Variants in COL27A1 observed in about 807,000 individuals in gnomAD.
COL27A1 encodes the protein collagen type XXVII alpha 1 chain, also known as collagen alpha-1(XXVII) chain.
COL27A1 carries 106 observed loss-of-function variants against 251.3 expected under a neutral mutation model. The ratio of observed to expected loss-of-function variants is 0.42; its 90% CI spans 0.36 to 0.50. The LOEUF (loss-of-function observed/expected upper bound fraction) is 0.50. Among genes scored for constraint, COL27A1 ranks in the 20% least tolerant of loss-of-function variants. COL27A1 has a pLI of 0.00. For synonymous variants in COL27A1, 1,000 were observed against 986.3 expected, an observed-to-expected ratio of 1.01 and a Z score of -0.26; for missense variants, 2,325 against 2,522.8, an observed-to-expected ratio of 0.92 and a Z score of 1.68.
chr9:114,246,017 G>A (rs1833105901), intron 24 of COL27A1, 107 bp downstream of exon 24: 6 of 967,206 alleles, frequency 6.2e-6, no homozygotes, highest in Non-Finnish European at 3.2e-6. Context: ...GTAATTCTCA[G>A]AACAACTCCA....
At chr9:114,229,758 A>G (rs1473883990) in intron 14 of COL27A1, among the ~76,000 whole-genome samples, 2 of 152,108 alleles carry the variant, frequency 1.3e-5, no homozygotes, top group Non-Finnish European at 2.9e-5. Flanking sequence ...TGGCTGAGGG[A>G]GTGATGGAGT....
intron 7 of COL27A1, among the ~76,000 whole-genome samples, chr9:114,199,045 T>A (rs867896483): frequency 2.0e-5 from 3 of 152,176 alleles, no homozygotes; most frequent in African/African-American, 7.2e-5. Flanking sequence ...GCCAATCTGG[T>A]AGCACTAGTC....
In COL27A1 at chr9:114,303,227, CT is replaced by C. The variant is rs1000474092; in HGVS notation, c.4872+1128del. On this transcript the variant is annotated intron_variant, in intron 56 of 60. Transcript: ENST00000356083. Reference sequence around the variant, plus strand: ...ACACCATTACAGGTGCTTTGCTTTTCTTTTTTTTTCTTTTCTTTTTTTTTTT... The same window carrying C: ...ACACCATTACAGGTGCTTTGCTTTTCTTTTTTTTCTTTTCTTTTTTTTTTT... 4.2e-5 allele frequency among the ~76,000 whole-genome samples: 6 copies of C among 141,778 alleles called. No individual in the cohort carries two copies. In the East Asian group the frequency reaches 1.0e-3, roughly 24 times the overall value. 93.0% of individuals were successfully genotyped at this position (141,778 alleles called of 152,430 possible).
chr9:114,283,968 G>C (rs1480057419), intron 40 of COL27A1, among the ~76,000 whole-genome samples: 1 of 152,202 alleles, frequency 6.6e-6, no homozygotes, highest in Non-Finnish European at 1.5e-5. Context: ...GTGTGGTTGG[G>C]GCTGCCAGAG....
At chr9:114,196,120 GCTCCC>G in intron 7 of COL27A1, 108 bp downstream of exon 7, 1 of 938,054 alleles carries the variant, frequency 1.1e-6, no homozygotes, top group Non-Finnish European at 1.8e-6. Context: ...CCCCAGCCCA[GCTCCC>G]CTGGGCACAG....
At chr9:114,255,779 G>A (rs1046359177) in intron 27 of COL27A1, among the ~76,000 whole-genome samples, 3 of 152,172 alleles carry the variant, frequency 2.0e-5, no homozygotes, top group South Asian at 2.1e-4. Context: ...CCTGGCCAGC[G>A]ACACTGGGGA....
At chr9:114,157,004 C>G (rs1377817774) in intron 1 of COL27A1, among the ~76,000 whole-genome samples, 1 of 152,108 alleles carries the variant, frequency 6.6e-6, no homozygotes, top group Non-Finnish European at 1.5e-5. Flanking sequence ...GATGACACCC[C>G]CTCCTTTCTT....
In COL27A1 at chr9:114,277,180, A is replaced by G. The variant is rs563143973; in HGVS notation, c.3717+1412A>G. Among the ~76,000 whole-genome samples, 6 of 152,222 alleles carry G rather than the reference A, an allele frequency of 3.9e-5. No homozygotes were observed. The South Asian group carries it at 1.2e-3, about 32-fold the overall frequency. ...TGACTTGGTAGTGGGGGGCAGTGGT[A>G]GTCTTGTACAGTTGAGCAGGGTTTG... On this transcript the variant is annotated intron_variant, in intron 37 of 60. Transcript: ENST00000356083.
chr9:114,240,582 G>C, intron 21 of COL27A1, 95 bp downstream of exon 21: 1 of 1,234,404 alleles, frequency 8.1e-7, no homozygotes, highest in Non-Finnish European at 1.1e-6. Context: ...GCTTGGGCTG[G>C]AGCCCCCTCA....
chr9:114,303,700 G>A (rs1344163505), intron 56 of COL27A1, among the ~76,000 whole-genome samples: 4 of 152,344 alleles, frequency 2.6e-5, no homozygotes, highest in Non-Finnish European at 2.9e-5. Flanking sequence ...ATTTGACCCT[G>A]AGGAGTAGCC....
intron 27 of COL27A1, among the ~76,000 whole-genome samples, chr9:114,255,451 C>T (rs906588929): frequency 3.3e-5 from 5 of 152,156 alleles, no homozygotes; most frequent in African/African-American, 1.2e-4. Context: ...CCTGTCTCCC[C>T]ATCTGTCTAG....
At chr9:114,255,247 G>T (rs1833842210) in intron 27 of COL27A1, among the ~76,000 whole-genome samples, 1 of 152,176 alleles carries the variant, frequency 6.6e-6, no homozygotes, top group South Asian at 2.1e-4. Flanking sequence ...TCTGGTCAGG[G>T]GGCTAGCACG....
chr9:114,160,133 G>T (rs921955465), intron 1 of COL27A1, among the ~76,000 whole-genome samples: 6 of 151,370 alleles, frequency 4.0e-5, no homozygotes, highest in Non-Finnish European at 5.9e-5. Context: ...TTAAGGCTTT[G>T]GGAAGACACT....
intron 35 of COL27A1, among the ~76,000 whole-genome samples, chr9:114,270,340 C>T (rs1835056133): frequency 6.6e-6 from 1 of 152,210 alleles, no homozygotes; most frequent in Non-Finnish European, 1.5e-5. Context: ...TGGCTGATGT[C>T]AAAGCCTGTC....
rs1366888637 is a variant in COL27A1, at chr9:114,264,358, C to G, written c.3199C>G (p.Pro1067Ala). 2 of 1,595,192 alleles carry G rather than the reference C, an allele frequency of 1.3e-6. No individual in the cohort carries two copies. The highest frequency in any genetic ancestry group is 4.5e-5 in the East Asian group (2 of 44,162). Reference protein sequence around the residue: ...GMRGAKGRRGPRGPDGPAGEQ... With the variant: ...GMRGAKGRRGARGPDGPAGEQ... ...TAGTCCCTTTTTCCTATTCCAGGGCCCCCGAGGACCGGACGGACCAGCTGG... is the reference window on the plus strand; with the variant it reads ...TAGTCCCTTTTTCCTATTCCAGGGCGCCCGAGGACCGGACGGACCAGCTGG... Residue 1067 changes from proline (P) to alanine (A), a missense_variant, in exon 29 of 61, where the codon CCC becomes GCC. Physicochemically the swap from Pro to Ala is conservative, Grantham distance 27. This residue lies in a region of COL27A1 where 662 missense variants were observed against 795.3 expected (regional missense o/e 0.83). Transcript: ENST00000356083.
intron 11 of COL27A1, among the ~76,000 whole-genome samples, chr9:114,210,503 C>T (rs537438455): frequency 1.3e-5 from 2 of 152,222 alleles, no homozygotes; most frequent in South Asian, 2.1e-4. Flanking sequence ...GCAGTGGGTG[C>T]TAAGATTTCC....
intron 40 of COL27A1, among the ~76,000 whole-genome samples, chr9:114,284,340 T>A (rs1588869938): frequency 6.6e-6 from 1 of 151,852 alleles, no homozygotes; most frequent in Non-Finnish European, 1.5e-5. Context: ...CCTGGAGGGG[T>A]GTTGCGAGGA....
Position 114,288,699 on chromosome 9 carries a change from C to G in COL27A1, c.4045-3C>G, listed in dbSNP as rs1006606289. 6.2e-7 allele frequency: 1 copy of G among 1,608,274 alleles called. No individual in the cohort carries two copies. Among genetic ancestry groups the G allele is most frequent in the African/African-American group, 1.3e-5 (1 of 74,814 alleles). On this transcript the variant is annotated splice_region_variant and splice_polypyrimidine_tract_variant and intron_variant, in intron 42 of 60. Coordinates refer to ENST00000356083, the MANE Select transcript of COL27A1 (RefSeq NM_032888.4). ...AAATTTTGCTGTTGTCTTTGTCATTCAGGGCCCTGTGGGTGATCGAGGAGA... is the reference window on the plus strand; with the variant it reads ...AAATTTTGCTGTTGTCTTTGTCATTGAGGGCCCTGTGGGTGATCGAGGAGA...
chr9:114,229,290 A>G (rs1364770435), intron 14 of COL27A1, among the ~76,000 whole-genome samples: 2 of 152,202 alleles, frequency 1.3e-5, no homozygotes, highest in Non-Finnish European at 2.9e-5. Flanking sequence ...GAGAGTGAGA[A>G]TCGGCATCAT....
Sources: allele counts gnomAD v4.1 joint callset (sites outside exome capture counted in the v4.1 genomes callset), GRCh38; gene constraint gnomAD v4.1.1; regional missense constraint gnomAD v4.1.1; transcripts MANE v1.5; gene names NCBI Gene and HGNC (gene_info 2026-07-23, HGNC 2026-07-21).